The following COL7A1 variants were observed in gnomAD, a reference collection of about 807,000 sequenced individuals.
The protein encoded by COL7A1 is collagen type VII alpha 1 chain.
In COL7A1, 296 loss-of-function variants were observed where a neutral mutation model predicts 456.2. The observed-to-expected ratio is 0.65, with a 90% CI of 0.59 to 0.71. The LOEUF is 0.71. COL7A1 is among the 30% of genes least tolerant of loss of function. The probability of loss-of-function intolerance (pLI) is 0.00; values close to 1 mark genes in which losing one functional copy is unlikely to be tolerated. For synonymous variants in COL7A1, 1,464 were observed against 1,525.9 expected, an observed-to-expected ratio of 0.96 and a Z score of 0.95; for missense variants, 3,441 against 4,017.2, an observed-to-expected ratio of 0.86 and a Z score of 3.88.
At position 48,592,965 on chromosome 3, in the gene COL7A1, G is replaced by A; in HGVS notation, c.683-27C>T. 1 of 1,613,250 alleles carries A rather than the reference G, an allele frequency of 6.2e-7. No individual in the cohort carries two copies. The highest frequency in any genetic ancestry group is 1.3e-5 in the African/African-American group (1 of 75,022). ...TGGGAATGCGGGATCAGGGGATCAGGCAGGAGGATTGGGGTGGGCATGTAT... is the reference window on the plus strand; with the variant it reads ...TGGGAATGCGGGATCAGGGGATCAGACAGGAGGATTGGGGTGGGCATGTAT... On this transcript the variant is annotated intron_variant, in intron 6 of 118. Transcript: ENST00000681320. This position sits in a 1 kb window ranked among gnomAD's most constrained non-coding sequence, Gnocchi z 7.6.
chr3:48,565,063 C>G lies in COL7A1; in HGVS notation c.8620+46G>C, dbSNP rs1256742287. The G allele has an allele frequency of 6.3e-7, 1 of 1,589,078 alleles. No individual in the cohort carries two copies. The highest frequency in any genetic ancestry group is 8.5e-7 in the Non-Finnish European group (1 of 1,170,932). ...CAGGGGGAGGTCAGCAGGGCTCAGC[C>G]CTGCCTGCCCCTCCCCAGACCCCGC... is the stretch of plus-strand genomic sequence containing the variant. On this transcript the variant is annotated intron_variant, in intron 117 of 118. Transcript: ENST00000681320. The surrounding 1 kb of genome is among the most constrained non-coding windows in gnomAD (Gnocchi z 4.5).
rs1476899307 is a variant in COL7A1 at position 48,568,238 on chromosome 3, T to C, written c.7795-68A>G. 3 of 1,555,062 alleles carry C rather than the reference T, an allele frequency of 1.9e-6. No individual in the cohort carries two copies. Among genetic ancestry groups the C allele is most frequent in the African/African-American group, 1.4e-5 (1 of 73,848 alleles). On this transcript the variant is annotated intron_variant, in intron 105 of 118. Transcript: ENST00000681320. The surrounding 1 kb of genome is among the most constrained non-coding windows in gnomAD (Gnocchi z 5.2). Reference sequence around the variant, plus strand: ...AGGGACCAAAGAGAATCGCCCTGGATAGTGGGTAGGGAACACCATGGGGTG... The same window carrying C: ...AGGGACCAAAGAGAATCGCCCTGGACAGTGGGTAGGGAACACCATGGGGTG...
Position 48,591,376 on chromosome 3 carries a change from G to A in COL7A1, c.1636+88C>T, listed in dbSNP as rs980330391. The A allele has an allele frequency of 1.0e-5, 16 of 1,551,992 alleles. No homozygotes were observed. Among genetic ancestry groups the A allele is most frequent in the Non-Finnish European group, 1.3e-5 (15 of 1,135,852 alleles). ...GGGAGGAGACTATAGGGACCCAGGT[G>A]TGGAAGGAGAGGGCTGGAGGTACAC... On this transcript the variant is annotated intron_variant, in intron 13 of 118. Transcript: ENST00000681320. The surrounding 1 kb of genome is among the most constrained non-coding windows in gnomAD (Gnocchi z 7.0).
Position 48,586,913 on chromosome 3 carries a change from A to G in COL7A1, c.3276+59T>C. 6.4e-7 allele frequency: 1 copy of G among 1,556,420 alleles called. No individual in the cohort carries two copies. Among genetic ancestry groups the G allele is most frequent in the South Asian group, 1.2e-5 (1 of 84,482 alleles). On this transcript the variant is annotated intron_variant, in intron 25 of 118. Coordinates refer to ENST00000681320, the MANE Select transcript of COL7A1 (RefSeq NM_000094.4). The surrounding 1 kb of genome is among the most constrained non-coding windows in gnomAD (Gnocchi z 5.1). ...GGGTGGTCAGGAGATGGTAACTGGTATGGAGCCTGGGTGGGGGGCCTCAGG... is the reference window on the plus strand; with the variant it reads ...GGGTGGTCAGGAGATGGTAACTGGTGTGGAGCCTGGGTGGGGGGCCTCAGG...
chr3:48,583,138 C>A lies in COL7A1; in HGVS notation c.4471G>T (p.Ala1491Ser). The A allele has an allele frequency of 6.2e-7, 1 of 1,613,968 alleles. No individual in the cohort carries two copies. The highest frequency in any genetic ancestry group is 8.5e-7 in the Non-Finnish European group (1 of 1,180,002). Residue 1491 changes from alanine (A) to serine (S), a missense_variant, in exon 43 of 119, where the codon GCT (alanine) becomes TCT (serine). Physicochemically the swap from Ala to Ser is moderately conservative, Grantham distance 99. Transcript: ENST00000681320. This position sits in a 1 kb window ranked among gnomAD's most constrained non-coding sequence, Gnocchi z 5.1. ...CAGGTTGCACTTACCTTCTCTCCAG[C>A]CTCACCCAGGGGCCCTGGAAAGCCC... ...DRGFPGPLGE[A>S]GEKGERGPPG...
chr3:48,584,016 C>G lies in COL7A1; in HGVS notation c.4224+19G>C. The G allele has an allele frequency of 1.2e-6, 2 of 1,614,108 alleles. No homozygotes were observed. Among genetic ancestry groups the G allele is most frequent in the Non-Finnish European group, 1.7e-6 (2 of 1,180,008 alleles). On this transcript the variant is annotated intron_variant, in intron 38 of 118. Coordinates refer to ENST00000681320, the MANE Select transcript of COL7A1 (RefSeq NM_000094.4). The stretch of plus-strand genomic sequence containing the variant: ...ATCAGACTCCAAGCCACCCCTAGCA[C>G]AACCTGTCCCTCACTTACCCGCTCC...
rs146901730 is a variant in COL7A1 at position 48,575,531 on chromosome 3, G to A, written c.5988C>T (p.Ile1996=). The change falls in exon 74 of 119, where the codon ATC becomes ATT. Residue 1996 remains isoleucine, a synonymous_variant. Coordinates refer to ENST00000681320, the MANE Select transcript of COL7A1 (RefSeq NM_000094.4). This position sits in a 1 kb window ranked among gnomAD's most constrained non-coding sequence, Gnocchi z 6.3. ...TCAGCCCGCGTTCTCCAGGAAAGCC[G>A]ATGGGGCCCTGCAGGAGTGGAAGAG... ...EQGPPGKEGP[I]GFPGERGLKG... is the part of the protein sequence containing the mutation. 4,264 of 1,612,738 alleles carry A rather than the reference G, an allele frequency of 2.6e-3. 11 individuals are homozygous for A. Among genetic ancestry groups the A allele is most frequent in the Non-Finnish European group, 3.0e-3 (3,503 of 1,179,962 alleles).
Position 48,567,517 on chromosome 3 carries a change from G to A in COL7A1, c.8046+57C>T. On this transcript the variant is annotated intron_variant, in intron 109 of 118. Transcript: ENST00000681320. This position sits in a 1 kb window ranked among gnomAD's most constrained non-coding sequence, Gnocchi z 4.3. The stretch of plus-strand genomic sequence containing the variant: ...CCCTACACCCCCATGACCCGACCAT[G>A]AGCTTCCCTGCCCCATCCTGACTCC... The A allele has an allele frequency of 6.2e-7, 1 of 1,610,416 alleles. No homozygotes were observed. Among genetic ancestry groups the A allele is most frequent in the Non-Finnish European group, 8.5e-7 (1 of 1,176,916 alleles).
In COL7A1 at chr3:48,592,406, G is replaced by A; in HGVS notation, c.1038C>T (p.Ala346=). The A allele has an allele frequency of 6.2e-7, 1 of 1,613,816 alleles. No individual in the cohort carries two copies. Among genetic ancestry groups the A allele is most frequent in the Non-Finnish European group, 8.5e-7 (1 of 1,180,044 alleles). The change falls in exon 9 of 119, where the codon GCC becomes GCT. Residue 346 remains alanine, a synonymous_variant. Coordinates refer to ENST00000681320, the MANE Select transcript of COL7A1 (RefSeq NM_000094.4). This position sits in a 1 kb window ranked among gnomAD's most constrained non-coding sequence, Gnocchi z 7.6. ...QNTTAHSLLV[A]WRSVPGATGY... is the part of the protein sequence containing the mutation. ...CAGTGGCACCTGGCACACTCCGCCA[G>A]GCCACCAGGAGGCTGTGGGCTGTGG...
In COL7A1 at chr3:48,593,333, T is replaced by G. The variant is rs776346090; in HGVS notation, c.520+23A>C. 1 of 1,613,872 alleles carries G rather than the reference T, an allele frequency of 6.2e-7. No individual in the cohort carries two copies. Among genetic ancestry groups the G allele is most frequent in the Non-Finnish European group, 8.5e-7 (1 of 1,179,842 alleles). Reference sequence around the variant, plus strand: ...GACTGCCCCCACCCCCCAGCTGACCTGTCACTCCTGCTCGGTCCTTACCCA... The same window carrying G: ...GACTGCCCCCACCCCCCAGCTGACCGGTCACTCCTGCTCGGTCCTTACCCA... On this transcript the variant is annotated intron_variant, in intron 5 of 118. Transcript: ENST00000681320. This position sits in a 1 kb window ranked among gnomAD's most constrained non-coding sequence, Gnocchi z 4.4.
In COL7A1 at chr3:48,569,627, C is replaced by G; in HGVS notation, c.7579G>C (p.Gly2527Arg). The change falls in exon 102 of 119, where the codon GGG (glycine) becomes CGG (arginine). Residue 2527 changes from glycine to arginine, a missense_variant. Physicochemically the swap from Gly to Arg is moderately radical, Grantham distance 125. This residue lies in a region of COL7A1 where 2,084 missense variants were observed against 2,501.3 expected (regional missense o/e 0.83). Coordinates refer to ENST00000681320, the MANE Select transcript of COL7A1 (RefSeq NM_000094.4). This position sits in a 1 kb window ranked among gnomAD's most constrained non-coding sequence, Gnocchi z 4.9. The part of the protein sequence containing the change: ...GDKGDSAVIL[G>R]PPGPRGAKGD... ...TTGGCACCCCGTGGGCCTGGAGGCC[C>G]CAGGATCACAGCTGAGTCTCCCTGA... 6.2e-7 allele frequency: 1 copy of G among 1,613,854 alleles called. No individual in the cohort carries two copies. The highest frequency in any genetic ancestry group is 8.5e-7 in the Non-Finnish European group (1 of 1,179,868).
chr3:48,580,051 G>A lies in COL7A1; in HGVS notation c.5104C>T (p.Pro1702Ser), dbSNP rs2044631119. Residue 1702 changes from proline (P) to serine (S), a missense_variant, in exon 57 of 119, where the codon CCA (proline) becomes TCA (serine). Around this residue, in one of 3 missense-constraint regions of COL7A1, gnomAD observed 2,084 missense variants for 2,501.3 expected, o/e 0.83. Coordinates refer to ENST00000681320, the MANE Select transcript of COL7A1 (RefSeq NM_000094.4). This position sits in a 1 kb window ranked among gnomAD's most constrained non-coding sequence, Gnocchi z 4.5. ...CTTACCAGCCGTCCCGGGGGTCCTG[G>A]GGGACCCTGGGAAAGGAAATGATTA... ...PKGDRGEPGP[P>S]GPPGRLVDTG... is the part of the protein sequence containing the mutation. 3.1e-6 allele frequency: 5 copies of A among 1,613,914 alleles called. No homozygotes were observed. Among genetic ancestry groups the A allele is most frequent in the Non-Finnish European group, 3.4e-6 (4 of 1,179,914 alleles).
rs1228500132 is a variant in COL7A1 at position 48,587,892 on chromosome 3, G to A, written c.2758C>T (p.His920Tyr). The A allele has an allele frequency of 1.2e-6, 2 of 1,610,078 alleles. No individual in the cohort carries two copies. The highest frequency in any genetic ancestry group is 1.7e-6 in the Non-Finnish European group (2 of 1,178,578). ...GTCGCTGGCTCCAGCCCGTCCAGGT[G>A]ATAGCTGCTGAGCTCGGGCCCCAGG... is the stretch of plus-strand genomic sequence containing the variant. The part of the protein sequence containing the change: ...RVLGPELSSY[H>Y]LDGLEPATQY... The change falls in exon 22 of 119, where the codon CAC becomes TAC. Residue 920 changes from histidine to tyrosine, a missense_variant. His to Tyr is a moderately conservative substitution (Grantham distance 83). Coordinates refer to ENST00000681320, the MANE Select transcript of COL7A1 (RefSeq NM_000094.4). This position sits in a 1 kb window ranked among gnomAD's most constrained non-coding sequence, Gnocchi z 6.1.
chr3:48,581,984 G>T lies in COL7A1; in HGVS notation c.4636-41C>A. ...ACAGATACAGCTTGGCCCTGCCTTGGGGTTGTATGATCAAAGTCTTCATTG... is the reference window on the plus strand; with the variant it reads ...ACAGATACAGCTTGGCCCTGCCTTGTGGTTGTATGATCAAAGTCTTCATTG... On this transcript the variant is annotated intron_variant, in intron 47 of 118. Transcript: ENST00000681320. This position sits in a 1 kb window ranked among gnomAD's most constrained non-coding sequence, Gnocchi z 5.8. 1 of 1,613,808 alleles carries T rather than the reference G, an allele frequency of 6.2e-7. No individual in the cohort carries two copies. The highest frequency in any genetic ancestry group is 1.1e-5 in the South Asian group (1 of 91,080).
Position 48,565,416 on chromosome 3 carries a change from C to A in COL7A1, c.8521G>T (p.Glu2841Ter). 6.2e-7 allele frequency: 1 copy of A among 1,609,264 alleles called. No individual in the cohort carries two copies. Among genetic ancestry groups the A allele is most frequent in the East Asian group, 2.2e-5 (1 of 44,716 alleles). The change falls in exon 116 of 119, where the codon GAG (glutamate) becomes TAG (stop). Residue 2841 changes from glutamate (E) to a stop codon, truncating the protein, a stop_gained. Coordinates refer to ENST00000681320, the MANE Select transcript of COL7A1 (RefSeq NM_000094.4). LOFTEE classifies it high-confidence loss of function. The surrounding 1 kb of genome is among the most constrained non-coding windows in gnomAD (Gnocchi z 4.5). ...CGGGTTCAGCTGTCCTCACCTTCCT[C>A]CTCTGCATGAGAGACGCGGAGCACA... ...VPVLRVSHAE[E>*]EERVPPEDDE...
In COL7A1 at chr3:48,574,739, C is replaced by A; in HGVS notation, c.6349-18G>T. On this transcript the variant is annotated intron_variant, in intron 77 of 118. Transcript: ENST00000681320. The surrounding 1 kb of genome is among the most constrained non-coding windows in gnomAD (Gnocchi z 5.0). ...GGCTCCCCCTGTGGGGATGAGATGT[C>A]AAGTCAGTCCCTAGTGCCATGGCAG... is the stretch of plus-strand genomic sequence containing the variant. The A allele has an allele frequency of 6.2e-7, 1 of 1,613,978 alleles. No individual in the cohort carries two copies. Among genetic ancestry groups the A allele is most frequent in the Admixed American group, 1.7e-5 (1 of 60,030 alleles).
At position 48,564,661 on chromosome 3, in the gene COL7A1, A is replaced by T; in HGVS notation, c.8818+122T>A. The stretch of plus-strand genomic sequence containing the variant: ...TCTGGGCGTCTGCCCCAGGTCCCCT[A>T]CTGCGAGGGAGCGTCTCCTCCAGGA... On this transcript the variant is annotated intron_variant, in intron 118 of 118. Transcript: ENST00000681320. The surrounding 1 kb of genome is among the most constrained non-coding windows in gnomAD (Gnocchi z 6.0). 1.7e-6 allele frequency: 2 copies of T among 1,203,304 alleles called. No individual in the cohort carries two copies. The highest frequency in any genetic ancestry group is 2.3e-6 in the Non-Finnish European group (2 of 857,020). 74.5% of individuals were successfully genotyped at this position (1,203,304 alleles called of 1,614,324 possible).
In COL7A1 at chr3:48,586,462, T is replaced by C; in HGVS notation, c.3420A>G (p.Thr1140=). Residue 1140 remains threonine (T), a synonymous_variant, in exon 27 of 119, where the codon ACA becomes ACG. Transcript: ENST00000681320. This position sits in a 1 kb window ranked among gnomAD's most constrained non-coding sequence, Gnocchi z 5.1. ...SGNNLGTAVV[T]AHRYMLAPDA... ...CTGGTGCCAACATGTATCTGTGAGC[T>C]GTGACCACGGCTGTGCCTGGAAGGA... 6.2e-7 allele frequency: 1 copy of C among 1,613,828 alleles called. No homozygotes were observed.
intron 44 of COL7A1, 142 bp downstream of exon 44, chr3:48,582,871 G>A: frequency 7.4e-7 from 1 of 1,344,662 alleles, no homozygotes; most frequent in East Asian, 2.3e-5. Flanking sequence ...TGGGGCTGAG[G>A]GTTAGAGCCT....
Sources: allele counts gnomAD v4.1 joint callset, GRCh38; gene constraint gnomAD v4.1.1; regional missense constraint gnomAD v4.1.1; non-coding constraint Gnocchi (gnomAD v3.1); transcripts MANE v1.5; gene names NCBI Gene and HGNC (gene_info 2026-07-23, HGNC 2026-07-21).